The following RAD51B variants were observed in gnomAD, a reference collection of about 807,000 sequenced individuals.
The protein encoded by RAD51B is DNA repair protein RAD51 homolog 2.
RAD51B carries 38 observed loss-of-function variants against 42.2 expected under a neutral mutation model. That is an observed-to-expected ratio of 0.90 (90% CI 0.70 to 1.18). The LOEUF is 1.18. Among genes scored for constraint, RAD51B ranks in the 50% most tolerant of loss-of-function variants. The probability of loss-of-function intolerance (pLI) is 0.00; values close to 1 mark genes in which losing one functional copy is unlikely to be tolerated. For missense variants in RAD51B, 373 were observed against 400.7 expected (o/e 0.93, Z 0.59); for synonymous variants, 154 against 145.2 (o/e 1.06, Z -0.43).
At chr14:67,999,885 T>C (rs1011542657) in intron 7 of RAD51B, among the ~76,000 whole-genome samples, 3 of 152,094 alleles carry the variant, frequency 2.0e-5, no homozygotes, top group Non-Finnish European at 4.4e-5. Context: ...CATTCTACTT[T>C]TAAGGAACTA....
At chr14:67,948,132 C>CCT (rs2045459226) in intron 7 of RAD51B, among the ~76,000 whole-genome samples, 3 of 152,170 alleles carry the variant, frequency 2.0e-5, no homozygotes, top group Non-Finnish European at 4.4e-5. Context: ...GTTCCTATTG[C>CCT]ATACTAGAGT....
In RAD51B at chr14:68,543,245, C is replaced by T. The variant is rs113077268; in HGVS notation, c.1037-51240C>T. ...TAGTGGGCTGGATTTGGTCCTTGGG[C>T]TGTAGTTTGCCAACCCCTGCCTTAG... On this transcript the variant is annotated intron_variant, in intron 10 of 10. Transcript: ENST00000487270. Among the ~76,000 whole-genome samples the T allele has an allele frequency of 7.2e-4, 109 of 152,276 alleles. 1 individual carries two copies. The highest frequency in any genetic ancestry group is 2.6e-3 in the African/African-American group (106 of 41,542).
intron 7 of RAD51B, among the ~76,000 whole-genome samples, chr14:68,112,176 T>C (rs187645764): frequency 3.9e-5 from 6 of 152,176 alleles, no homozygotes; most frequent in Admixed American, 2.0e-4. Context: ...CAGTTAGTGT[T>C]CAGAGTTAGG....
At chr14:68,411,602 G>A (rs1445490352) in intron 9 of RAD51B, 75 bp downstream of exon 9, 59 of 1,389,658 alleles carry the variant, frequency 4.2e-5, no homozygotes, top group Non-Finnish European at 5.8e-5. Context: ...AGCGTCTTCT[G>A]AAAATGCTGG....
At chr14:68,210,000 C>A (rs1411941383) in intron 7 of RAD51B, among the ~76,000 whole-genome samples, 1 of 150,976 alleles carries the variant, frequency 6.6e-6, no homozygotes. Context: ...TACTCTGTCA[C>A]CCAGGCTGGA....
At chr14:68,180,455 A>C (rs2079041194) in intron 7 of RAD51B, among the ~76,000 whole-genome samples, 1 of 152,110 alleles carries the variant, frequency 6.6e-6, no homozygotes, top group Non-Finnish European at 1.5e-5. Flanking sequence ...AAAGTAGTTG[A>C]CTTTGATAAT....
chr14:68,504,082 A>C (rs1195726051), intron 10 of RAD51B, among the ~76,000 whole-genome samples: 3 of 152,166 alleles, frequency 2.0e-5, no homozygotes, highest in African/African-American at 7.2e-5. Context: ...GATGCACGTT[A>C]ATAGTACCTT....
At chr14:67,847,851 G>C (rs1270762022) in intron 4 of RAD51B, among the ~76,000 whole-genome samples, 2 of 151,682 alleles carry the variant, frequency 1.3e-5, no homozygotes, top group African/African-American at 4.9e-5. Flanking sequence ...TTTCTGCCTT[G>C]ATGATCTTTC....
intron 10 of RAD51B, among the ~76,000 whole-genome samples, chr14:68,525,270 G>A (rs1483936364): frequency 6.6e-6 from 1 of 152,266 alleles, no homozygotes; most frequent in Non-Finnish European, 1.5e-5. Flanking sequence ...AGAGCCTCTA[G>A]AAAGGAACAT....
intron 10 of RAD51B, among the ~76,000 whole-genome samples, chr14:68,646,916 A>G (rs1892574560): frequency 6.6e-6 from 1 of 152,178 alleles, no homozygotes; most frequent in Non-Finnish European, 1.5e-5. Context: ...CTGTCATTTA[A>G]TCTGTCTGGG....
chr14:68,217,105 C>T (rs1462166089), intron 7 of RAD51B, among the ~76,000 whole-genome samples: 1 of 152,210 alleles, frequency 6.6e-6, no homozygotes, highest in Non-Finnish European at 1.5e-5. Flanking sequence ...CACCTTCCCA[C>T]TCTAAACTGA....
intron 9 of RAD51B, among the ~76,000 whole-genome samples, chr14:68,420,091 C>T (rs2084661133): frequency 6.6e-6 from 1 of 152,146 alleles, no homozygotes; most frequent in Non-Finnish European, 1.5e-5. Flanking sequence ...TCTATTTTTA[C>T]AAATAGAAGA....
intron 7 of RAD51B, among the ~76,000 whole-genome samples, chr14:68,051,974 A>C (rs994650972): frequency 6.6e-6 from 1 of 151,888 alleles, no homozygotes; most frequent in African/African-American, 2.4e-5. Flanking sequence ...AAAGAAGAAC[A>C]CTCCCTTGAG....
chr14:68,295,215 T>C (rs748550653), intron 8 of RAD51B, among the ~76,000 whole-genome samples: 4 of 152,030 alleles, frequency 2.6e-5, no homozygotes, highest in African/African-American at 4.8e-5. Context: ...CTTCTTTGGC[T>C]CTCCCACCTG....
chr14:68,479,667 C>CTTTTTTTTTTTTTT (rs34999023), downstream of RAD51B, among the ~76,000 whole-genome samples: 8 of 96,448 alleles, frequency 8.3e-5, no homozygotes, highest in Non-Finnish European at 1.4e-4. Context: ...TCTTATTCTT[C>CTTTTTTTTTTTTTT]TTTTTTTTTT....
rs556516032 is a variant in RAD51B at position 68,037,471 on chromosome 14, G to T, written c.756+150267G>T. Among the ~76,000 whole-genome samples the T allele has an allele frequency of 2.0e-5, 3 of 151,738 alleles. No individual in the cohort carries two copies. In the East Asian group the frequency reaches 5.9e-4, roughly 30 times the overall value. On this transcript the variant is annotated intron_variant, in intron 7 of 10. Coordinates refer to ENST00000471583, the MANE Select transcript of RAD51B (RefSeq NM_133510.4). ...TCTGACCTCGTGATCTGCCTGCCTT[G>T]GCCTCCCAAAGTGCTGGAATTACAG...
chr14:68,453,758 T>C (rs1052147586), intron 9 of RAD51B, among the ~76,000 whole-genome samples: 6 of 152,226 alleles, frequency 3.9e-5, no homozygotes, highest in South Asian at 2.1e-4. Context: ...TCTCCAGTTA[T>C]TGACTCTACA....
At chr14:67,845,697 C>T (rs1386193324) in intron 4 of RAD51B, among the ~76,000 whole-genome samples, 2 of 152,024 alleles carry the variant, frequency 1.3e-5, no homozygotes, top group African/African-American at 4.8e-5. Flanking sequence ...AACACACACA[C>T]GAAATTCATG....
chr14:68,557,079 G>A (rs957009241), intron 10 of RAD51B, among the ~76,000 whole-genome samples: 1 of 152,046 alleles, frequency 6.6e-6, no homozygotes, highest in African/African-American at 2.4e-5. Flanking sequence ...AAGCATCTTC[G>A]GCTCCTTTCT....
Sources: gnomAD v4.1 joint callset for allele counts (sites outside exome capture counted in the v4.1 genomes callset) on GRCh38, gnomAD v4.1.1 for gene constraint, MANE v1.5 for transcripts, NCBI Gene and HGNC (gene_info 2026-07-23, HGNC 2026-07-21) for gene names.